Variants in TP73 observed in about 807,000 individuals in gnomAD.
The protein encoded by TP73 is tumor protein p73.
Under a neutral mutation model 62.5 loss-of-function variants are expected in TP73, and 25 were observed. That is an observed-to-expected ratio of 0.40 (90% CI 0.29 to 0.56). The LOEUF is 0.56. Among genes scored for constraint, TP73 ranks in the 20% least tolerant of loss-of-function variants. TP73 has a pLI of 0.46. For synonymous variants in TP73, 423 were observed against 377.5 expected (o/e 1.12, Z -1.40); for missense variants, 754 against 913.3 (o/e 0.83, Z 2.25).
rs1330853355 is a variant in TP73 at position 3,727,099 on chromosome 1, G to T, written c.733-16G>T. 2 of 1,605,814 alleles carry T rather than the reference G, an allele frequency of 1.2e-6. No individual in the cohort carries two copies. The highest frequency in any genetic ancestry group is 8.5e-7 in the Non-Finnish European group (1 of 1,174,764). On this transcript the variant is annotated splice_polypyrimidine_tract_variant and intron_variant, in intron 6 of 13. Coordinates refer to ENST00000378295, the MANE Select transcript of TP73 (RefSeq NM_005427.4). ...CGTGCTGATGCTAGCCCCTCTCCCT[G>T]CTCCCCCATGTGCAGGTGGGGACGG...
chr1:3,727,080 G>A (rs1465250012), intron 6 of TP73, 35 bp from the exon 7 acceptor site: 7 of 1,590,214 alleles, frequency 4.4e-6, no homozygotes, highest in Non-Finnish European at 6.0e-6. Context: ...GCTGCGTGCT[G>A]ATGCTAGCCC....
At chr1:3,653,574 A>G (rs1218938617) in intron 1 of TP73, among the ~76,000 whole-genome samples, 1 of 152,258 alleles carries the variant, frequency 6.6e-6, no homozygotes, top group Non-Finnish European at 1.5e-5. Flanking sequence ...ATTTGCTTCC[A>G]AAGATGCTGC....
At position 3,732,852 on chromosome 1, in the gene TP73, C is replaced by T. The variant is rs530648280; in HGVS notation, c.1684C>T (p.Arg562Cys). Reference protein sequence around the residue: ...HDYSTAQQLLRSSNAATISIG... With the variant: ...HDYSTAQQLLCSSNAATISIG... Reference sequence around the variant, plus strand: ...CTACAGCACCGCGCAGCAGCTGCTCCGCTCTAGCAACGCGGCCACCATCTC... The same window carrying T: ...CTACAGCACCGCGCAGCAGCTGCTCTGCTCTAGCAACGCGGCCACCATCTC... Residue 562 changes from arginine (R) to cysteine (C), a missense_variant, in exon 14 of 14, where the codon CGC (arginine) becomes TGC (cysteine). This residue lies in a region of TP73 where 458 missense variants were observed against 528.7 expected (regional missense o/e 0.87). Coordinates refer to ENST00000378295, the MANE Select transcript of TP73 (RefSeq NM_005427.4). 1.6e-5 allele frequency: 25 copies of T among 1,612,068 alleles called. No homozygotes were observed. Among genetic ancestry groups the T allele is most frequent in the Middle Eastern group, 1.7e-4 (1 of 6,060 alleles).
intron 3 of TP73, among the ~76,000 whole-genome samples, chr1:3,686,471 C>A (rs111442162): frequency 1.3e-5 from 2 of 152,284 alleles, no homozygotes; most frequent in African/African-American, 4.8e-5. Context: ...GGCATAGACT[C>A]TGGGATGCCA....
intron 3 of TP73, among the ~76,000 whole-genome samples, chr1:3,703,750 G>A (rs892812852): frequency 2.6e-5 from 4 of 152,248 alleles, no homozygotes; most frequent in Admixed American, 6.5e-5. Flanking sequence ...GATGGGAGTC[G>A]GGCAGGGGGA....
intron 1 of TP73, among the ~76,000 whole-genome samples, chr1:3,664,266 A>G (rs10797408): frequency 0.27 from 40,539 of 152,074 alleles, 5,654 homozygotes; most frequent in East Asian, 0.36. Context: ...GCTGCATTGG[A>G]TAGGAAGGAC....
At position 3,701,237 on chromosome 1, in the gene TP73, C is replaced by T. The variant is rs1570511846; in HGVS notation, c.187-6312C>T. Among the ~76,000 whole-genome samples, 1 of 152,190 alleles carries T rather than the reference C, an allele frequency of 6.6e-6. No individual in the cohort carries two copies. Among genetic ancestry groups the T allele is most frequent in the Non-Finnish European group, 1.5e-5 (1 of 68,024 alleles). The stretch of plus-strand genomic sequence containing the variant: ...CCGAGAGCACCTGCTCTTCCCCATC[C>T]GTCCCTGTGCCCAGGGCTTAGCGAC... On this transcript the variant is annotated intron_variant, in intron 3 of 13. Coordinates refer to ENST00000378295, the MANE Select transcript of TP73 (RefSeq NM_005427.4). The surrounding 1 kb of genome is among the most constrained non-coding windows in gnomAD (Gnocchi z 4.7).
chr1:3,730,827 G>A, intron 11 of TP73, 100 bp from the exon 12 acceptor site: 1 of 1,432,360 alleles, frequency 7.0e-7, no homozygotes, highest in South Asian at 1.4e-5. Flanking sequence ...CAGGCCTTGG[G>A]ATGGCTCCCT....
At position 3,728,267 on chromosome 1, in the gene TP73, C is replaced by A. The variant is rs765010841; in HGVS notation, c.1074+50C>A. 5 of 1,580,928 alleles carry A rather than the reference C, an allele frequency of 3.2e-6. No individual in the cohort carries two copies. In the African/African-American group the frequency reaches 6.7e-5, roughly 21 times the overall value. ...GCCGGGAGACCTGCCTCACCTCTGTCGTCTGCTGAGCCCAGGCTGGGCCAT... is the reference window on the plus strand; with the variant it reads ...GCCGGGAGACCTGCCTCACCTCTGTAGTCTGCTGAGCCCAGGCTGGGCCAT... On this transcript the variant is annotated intron_variant, in intron 9 of 13. Coordinates refer to ENST00000378295, the MANE Select transcript of TP73 (RefSeq NM_005427.4).
intron 1 of TP73, among the ~76,000 whole-genome samples, chr1:3,671,832 A>G (rs1170863125): frequency 6.6e-6 from 1 of 152,100 alleles, no homozygotes; most frequent in Non-Finnish European, 1.5e-5. Flanking sequence ...CTGCCTCTGG[A>G]AGGAGTGAGG....
rs1329969600 is a variant in TP73 at position 3,733,052 on chromosome 1, G to A, written c.1884G>A (p.Glu628=). The change falls in exon 14 of 14, where the codon GAG becomes GAA. Residue 628 remains glutamate, a synonymous_variant. Coordinates refer to ENST00000378295, the MANE Select transcript of TP73 (RefSeq NM_005427.4). ...DCKARKQPIK[E]EFTEAEIH is the part of the protein sequence containing the mutation. Reference sequence around the variant, plus strand: ...AGGCCCGCAAGCAGCCCATCAAGGAGGAGTTCACGGAGGCCGAGATCCACT... The same window carrying A: ...AGGCCCGCAAGCAGCCCATCAAGGAAGAGTTCACGGAGGCCGAGATCCACT... 1 of 1,538,836 alleles carries A rather than the reference G, an allele frequency of 6.5e-7. No individual in the cohort carries two copies. Among genetic ancestry groups the A allele is most frequent in the Non-Finnish European group, 8.7e-7 (1 of 1,146,926 alleles).
At chr1:3,730,446 C>A (rs1266981509) in intron 11 of TP73, among the ~76,000 whole-genome samples, 1 of 152,202 alleles carries the variant, frequency 6.6e-6, no homozygotes, top group Non-Finnish European at 1.5e-5. Context: ...CCTGTTTCCC[C>A]ATCAGCAAAT....
rs892029022 is a variant in TP73, at chr1:3,735,520, GC to G, written c.*2443del. The G allele has an allele frequency of 5.3e-5, 8 of 152,364 alleles. No homozygotes were observed. Among genetic ancestry groups the G allele is most frequent in the African/African-American group, 1.7e-4 (7 of 41,582 alleles). The allele number at this position is 152,364 out of a possible 1,614,324, so 9.4% of individuals were successfully genotyped here. ...TGCACCTGTCTAGGGAGCCCATGCA[GC>G]CTCCTTGCACTGGAGAAGCAGCTGT... On this transcript the variant is annotated 3_prime_UTR_variant, in exon 14 of 14. Transcript: ENST00000378295.
rs1419088937 is a variant in TP73 at position 3,666,150 on chromosome 1, A to AAG, written c.-34+13527_-34+13528dup. Among the ~76,000 whole-genome samples the AAG allele has an allele frequency of 2.4e-3, 335 of 138,612 alleles. 2 individuals are homozygous for AAG. The highest frequency in any genetic ancestry group is 7.2e-3 in the African/African-American group (244 of 33,992). The allele number at this position is 138,612 out of a possible 152,430, so 90.9% of individuals were successfully genotyped here. A position where few individuals can be genotyped will look rare whatever the true frequency, so the allele number is the denominator to read the frequency against. On this transcript the variant is annotated intron_variant, in intron 1 of 13. Coordinates refer to ENST00000378295, the MANE Select transcript of TP73 (RefSeq NM_005427.4). The surrounding 1 kb of genome is among the most constrained non-coding windows in gnomAD (Gnocchi z 6.4). ...AAAAAAAAAAAAAAAAAAAAAAAAA[A>AAG]AGAGAGAGAGAGAGAGAGAATCTCA... is the stretch of plus-strand genomic sequence containing the variant.
chr1:3,707,410 G>C (rs529491156), intron 3 of TP73, 139 bp from the exon 4 acceptor site: 15 of 1,237,048 alleles, frequency 1.2e-5, no homozygotes, highest in African/African-American at 9.1e-5. Flanking sequence ...CTGTTGGGAT[G>C]GGGGAGAGAC....
intron 4 of TP73, among the ~76,000 whole-genome samples, chr1:3,719,842 G>A (rs763626658): frequency 1.3e-4 from 20 of 152,166 alleles, no homozygotes; most frequent in Non-Finnish European, 2.6e-4. Flanking sequence ...CCGCACAGGG[G>A]TGGGCTGCTA....
Position 3,676,595 on chromosome 1 carries a change from C to G in TP73, c.-33-5738C>G, listed in dbSNP as rs183651996. Among the ~76,000 whole-genome samples the G allele has an allele frequency of 1.4e-4, 22 of 151,996 alleles. No homozygotes were observed. In the East Asian group the frequency reaches 3.9e-3, roughly 27 times the overall value. The stretch of plus-strand genomic sequence containing the variant: ...ATGAGAGAGGCTGAGAGCCCCTCAC[C>G]GGCTGCGGACTCCTCCCCACAGGGC... On this transcript the variant is annotated intron_variant, in intron 1 of 13. Coordinates refer to ENST00000378295, the MANE Select transcript of TP73 (RefSeq NM_005427.4).
intron 4 of TP73, among the ~76,000 whole-genome samples, chr1:3,719,890 TTGTGTGTGTGTGTGTG>T (rs5772122): frequency 9.5e-4 from 126 of 132,208 alleles, no homozygotes; most frequent in African/African-American, 4.8e-4. Context: ...TTTTTTCTCT[TTGTGTGTGTGTGTGTG>T]TGTGTGTGTG....
chr1:3,721,530 C>T (rs764952798), intron 4 of TP73, among the ~76,000 whole-genome samples: 2 of 152,250 alleles, frequency 1.3e-5, no homozygotes, highest in Non-Finnish European at 2.9e-5. Context: ...ACCAGCCCAT[C>T]ACACATTAAC....
Sources: allele counts gnomAD v4.1 joint callset (sites outside exome capture counted in the v4.1 genomes callset), GRCh38; gene constraint gnomAD v4.1.1; regional missense constraint gnomAD v4.1.1; non-coding constraint Gnocchi (gnomAD v3.1); transcripts MANE v1.5; gene names NCBI Gene and HGNC (gene_info 2026-07-23, HGNC 2026-07-21).